ZSCAN20: variants seen among roughly 807,000 people sequenced by gnomAD.
The protein encoded by ZSCAN20 is zinc finger and SCAN domain containing 20.
A neutral mutation model predicts 97.1 loss-of-function variants in ZSCAN20; 39 were observed. The observed-to-expected ratio is 0.40, with a 90% CI of 0.31 to 0.52. The LOEUF is 0.52. Among genes scored for constraint, ZSCAN20 ranks in the 20% least tolerant of loss-of-function variants. The pLI is 0.49. For missense variants in ZSCAN20, 1,115 were observed against 1,290.4 expected (o/e 0.86, Z 2.08); for synonymous variants, 456 against 467.3 (o/e 0.98, Z 0.31).
rs766734429 is a variant in ZSCAN20, at chr1:33,493,603, G to A, written c.1861G>A (p.Ala621Thr). The change falls in exon 7 of 8, where the codon GCC becomes ACC. Residue 621 changes from alanine to threonine, a missense_variant. By Grantham distance (58) the Ala-to-Thr change is moderately conservative (BLOSUM62 0). This residue lies in a region of ZSCAN20 where 554 missense variants were observed against 584.9 expected (regional missense o/e 0.95). Coordinates refer to ENST00000684572, the MANE Select transcript of ZSCAN20 (RefSeq NM_001377376.1). The surrounding 1 kb of genome is among the most constrained non-coding windows in gnomAD (Gnocchi z 4.3). ...CAAACCTTCAACCTTGTGTCCTAAA[G>A]CCCCAGACATGGGTAAGCCTGGAGT... ...AVKPSTLCPK[A>T]PDMGFEMRHE... 3.8e-6 allele frequency: 6 copies of A among 1,578,320 alleles called. No individual in the cohort carries two copies. The South Asian group carries it at 7.0e-5, about 18-fold the overall frequency.
intron 2 of ZSCAN20, among the ~76,000 whole-genome samples, chr1:33,483,069 G>A (rs983235942): frequency 6.6e-6 from 1 of 151,996 alleles, no homozygotes; most frequent in Non-Finnish European, 1.5e-5. Flanking sequence ...TAATTTTAAC[G>A]AAGTCCAGCT....
At chr1:33,483,218 T>C (rs1009157412) in intron 2 of ZSCAN20, among the ~76,000 whole-genome samples, 1 of 151,408 alleles carries the variant, frequency 6.6e-6, no homozygotes, top group African/African-American at 2.4e-5. Context: ...CTGTGATCCA[T>C]TTTGAGTTGA....
rs774004672 is a variant in ZSCAN20 at position 33,495,386 on chromosome 1, C to T, written c.3042C>T (p.Pro1014=). The T allele has an allele frequency of 2.0e-5, 32 of 1,610,562 alleles. No individual in the cohort carries two copies. In the African/African-American group the frequency reaches 3.2e-4, roughly 16 times the overall value. Residue 1014 remains proline, a synonymous_variant, in exon 8 of 8, where the codon CCC becomes CCT. Transcript: ENST00000684572. ...IHQRIHTGEK[P]YKCTECGKDF... ...AGAGAATCCACACAGGGGAGAAACC[C>T]TACAAGTGCACAGAGTGTGGCAAAG...
intron 1 of ZSCAN20, among the ~76,000 whole-genome samples, chr1:33,478,051 C>G (rs1652001943): frequency 6.6e-6 from 1 of 152,124 alleles, no homozygotes. Context: ...AGCTGTGCTT[C>G]TGGAGCACCA....
rs930954903 is a variant in ZSCAN20, at chr1:33,499,360, C to A, written c.*3884C>A. Among the ~76,000 whole-genome samples, 1 of 151,844 alleles carries A rather than the reference C, an allele frequency of 6.6e-6. No homozygotes were observed. Among genetic ancestry groups the A allele is most frequent in the Non-Finnish European group, 1.5e-5 (1 of 67,944 alleles). On this transcript the variant is annotated 3_prime_UTR_variant, in exon 8 of 8. Coordinates refer to ENST00000684572, the MANE Select transcript of ZSCAN20 (RefSeq NM_001377376.1). ...CCCTTTCTCTTCTTTTTTTCTTTTC[C>A]TTTCTTTCTCTCTTTTCTTCTGTGT...
intron 5 of ZSCAN20, among the ~76,000 whole-genome samples, chr1:33,490,684 C>CT (rs57345949): frequency 1.6e-5 from 2 of 128,008 alleles, no homozygotes; most frequent in East Asian, 6.2e-4. Flanking sequence ...CACACACACA[C>CT]CACACACCCT....
In ZSCAN20 at chr1:33,501,635, G is replaced by T. The variant is rs757253704; in HGVS notation, c.*6159G>T. Reference sequence around the variant, plus strand: ...ATAAGTTAATAAATTATATTAAACTGCCAAAAAAGGAATGTGTTTTCGATT... The same window carrying T: ...ATAAGTTAATAAATTATATTAAACTTCCAAAAAAGGAATGTGTTTTCGATT... On this transcript the variant is annotated 3_prime_UTR_variant, in exon 8 of 8. Coordinates refer to ENST00000684572, the MANE Select transcript of ZSCAN20 (RefSeq NM_001377376.1). Among the ~76,000 whole-genome samples, 10 of 148,748 alleles carry T rather than the reference G, an allele frequency of 6.7e-5. No individual in the cohort carries two copies. The highest frequency in any genetic ancestry group is 1.3e-4 in the Non-Finnish European group (9 of 67,600).
intron 2 of ZSCAN20, among the ~76,000 whole-genome samples, chr1:33,483,754 GT>G (rs1652244451): frequency 6.6e-6 from 1 of 151,876 alleles, no homozygotes; most frequent in Non-Finnish European, 1.5e-5. Flanking sequence ...ATAAATTTCT[GT>G]GATTTTGATT....
In ZSCAN20 at chr1:33,479,438, C is replaced by T. The variant is rs1350901605; in HGVS notation, c.150C>T (p.Ser50=). The T allele has an allele frequency of 6.2e-7, 1 of 1,614,236 alleles. No individual in the cohort carries two copies. Among genetic ancestry groups the T allele is most frequent in the East Asian group, 2.2e-5 (1 of 44,892 alleles). Residue 50 remains serine, a synonymous_variant, in exon 2 of 8, where the codon TCC becomes TCT. Coordinates refer to ENST00000684572, the MANE Select transcript of ZSCAN20 (RefSeq NM_001377376.1). ...DRGSVSGPEA[S]RQRFRQFQYR... ...GCTCTGTCTCTGGCCCAGAGGCCTC[C>T]CGCCAGCGCTTCAGGCAATTCCAAT...
At chr1:33,486,622 T>C (rs1652377182) in intron 2 of ZSCAN20, among the ~76,000 whole-genome samples, 1 of 152,244 alleles carries the variant, frequency 6.6e-6, no homozygotes, top group Non-Finnish European at 1.5e-5. Flanking sequence ...TACTTCTTTC[T>C]GTGTCCAAAA....
At chr1:33,473,334 C>T (rs1473490234) in intron 1 of ZSCAN20, among the ~76,000 whole-genome samples, 3 of 152,180 alleles carry the variant, frequency 2.0e-5, no homozygotes, top group African/African-American at 7.2e-5. Flanking sequence ...TCTTTTCAGT[C>T]GGCCTCTTTC....
Position 33,495,469 on chromosome 1 carries a change from C to A in ZSCAN20, c.3125C>A (p.Ala1042Glu). Residue 1042 changes from alanine (A) to glutamate (E), a missense_variant, in exon 8 of 8, where the codon GCG becomes GAG. Transcript: ENST00000684572. ...CGGAGAACCCATGCAGGAGGGAAGG[C>A]GTCGTAGGGGACAGTTTCCTCAACA... The part of the protein sequence containing the change: ...AHRRTHAGGK[A>E]S 1 of 1,516,258 alleles carries A rather than the reference C, an allele frequency of 6.6e-7. No individual in the cohort carries two copies. Among genetic ancestry groups the A allele is most frequent in the Non-Finnish European group, 8.8e-7 (1 of 1,131,174 alleles). The allele number at this position is 1,516,258 out of a possible 1,614,324, so 93.9% of individuals were successfully genotyped here.
rs1652997416 is a variant in ZSCAN20 at position 33,499,732 on chromosome 1, A to G, written c.*4256A>G. 6.6e-6 allele frequency among the ~76,000 whole-genome samples: 1 copy of G among 152,178 alleles called. No individual in the cohort carries two copies. The highest frequency in any genetic ancestry group is 2.4e-5 in the African/African-American group (1 of 41,438). On this transcript the variant is annotated 3_prime_UTR_variant, in exon 8 of 8. Transcript: ENST00000684572. Reference sequence around the variant, plus strand: ...CTTTCTGAATGAAGTCAATATCTAAAGTCAAAATTAATCATTCAAAATATT... The same window carrying G: ...CTTTCTGAATGAAGTCAATATCTAAGGTCAAAATTAATCATTCAAAATATT...
chr1:33,474,397 C>T (rs1651845298), intron 1 of ZSCAN20, among the ~76,000 whole-genome samples: 1 of 152,186 alleles, frequency 6.6e-6, no homozygotes, highest in East Asian at 1.9e-4. Context: ...TTGGCCTTTC[C>T]TGTGGAACTG....
At position 33,498,101 on chromosome 1, in the gene ZSCAN20, C is replaced by T. The variant is rs1272895750; in HGVS notation, c.*2625C>T. On this transcript the variant is annotated 3_prime_UTR_variant, in exon 8 of 8. Coordinates refer to ENST00000684572, the MANE Select transcript of ZSCAN20 (RefSeq NM_001377376.1). ...GATGGCCCTCAAAGGAGATCTAGAC[C>T]ATTCCCCACTCCCACCCACTACCAT... 6.6e-6 allele frequency among the ~76,000 whole-genome samples: 1 copy of T among 152,066 alleles called. No homozygotes were observed.
At chr1:33,492,484 A>G (rs932284354) in intron 6 of ZSCAN20, 9 of 152,228 alleles carry the variant, frequency 5.9e-5, no homozygotes, top group African/African-American at 2.2e-4. Flanking sequence ...TGTTAAAAGG[A>G]GAATTTATGG....
intron 2 of ZSCAN20, among the ~76,000 whole-genome samples, chr1:33,484,788 A>AT (rs1485932792): frequency 6.6e-6 from 1 of 151,694 alleles, no homozygotes; most frequent in Non-Finnish European, 1.5e-5. Context: ...CACCCAGCTG[A>AT]TTTTTGTATT....
chr1:33,483,102 T>C (rs1042201548), intron 2 of ZSCAN20, among the ~76,000 whole-genome samples: 9 of 152,350 alleles, frequency 5.9e-5, no homozygotes, highest in Middle Eastern at 3.4e-3. Context: ...CTTTCATGGA[T>C]TATGCCTTTG....
intron 2 of ZSCAN20, among the ~76,000 whole-genome samples, chr1:33,480,281 G>A (rs1652103166): frequency 1.3e-5 from 2 of 152,202 alleles, no homozygotes; most frequent in Non-Finnish European, 2.9e-5. Flanking sequence ...GGTTGAGGCA[G>A]GTGGATTGCT....
Sources: allele counts gnomAD v4.1 joint callset (sites outside exome capture counted in the v4.1 genomes callset), GRCh38; gene constraint gnomAD v4.1.1; regional missense constraint gnomAD v4.1.1; non-coding constraint Gnocchi (gnomAD v3.1); transcripts MANE v1.5; gene names NCBI Gene and HGNC (gene_info 2026-07-23, HGNC 2026-07-21).